The following CHST8 variants were observed in gnomAD, a reference collection of about 807,000 sequenced individuals.
CHST8 encodes the protein carbohydrate sulfotransferase 8.
CHST8 carries 10 observed loss-of-function variants against 15.0 expected under a neutral mutation model. That is an observed-to-expected ratio of 0.67 (90% CI 0.41 to 1.13). CHST8 has a LOEUF of 1.13. Ranked by LOEUF, CHST8 falls within the 50% of genes most tolerant of loss-of-function variation. CHST8 has a pLI of 0.00. For missense variants in CHST8, 634 were observed against 608.2 expected, an observed-to-expected ratio of 1.04 and a Z score of -0.45; for synonymous variants, 259 against 256.6, an observed-to-expected ratio of 1.01 and a Z score of -0.09.
chr19:33,686,501 C>T (rs1040618797), intron 2 of CHST8, among the ~76,000 whole-genome samples: 7 of 152,188 alleles, frequency 4.6e-5, no homozygotes, highest in Non-Finnish European at 7.4e-5. Context: ...CACTCTGCAG[C>T]GCCAGCTACT....
At chr19:33,710,579 ATCT>A (rs1973529681) in intron 3 of CHST8, among the ~76,000 whole-genome samples, 1 of 152,230 alleles carries the variant, frequency 6.6e-6, no homozygotes, top group East Asian at 1.9e-4. Flanking sequence ...TGATTTCCAG[ATCT>A]TCTTATTAAA....
chr19:33,707,433 C>G (rs1973468347), intron 3 of CHST8, among the ~76,000 whole-genome samples: 1 of 152,176 alleles, frequency 6.6e-6, no homozygotes, highest in Non-Finnish European at 1.5e-5. Context: ...CACCCTCAGC[C>G]CCAGGCAACT....
chr19:33,698,041 G>T (rs149854193), intron 3 of CHST8, among the ~76,000 whole-genome samples: 1 of 152,278 alleles, frequency 6.6e-6, no homozygotes, highest in Non-Finnish European at 1.5e-5. Flanking sequence ...ACTTTGGGAG[G>T]CTGAGGCGGT....
At chr19:33,692,088 C>G (rs1363026087) in intron 3 of CHST8, among the ~76,000 whole-genome samples, 1 of 152,184 alleles carries the variant, frequency 6.6e-6, no homozygotes, top group Admixed American at 6.5e-5. Flanking sequence ...TCACCTGGCT[C>G]AGGCAGTAGA....
At chr19:33,708,080 G>C (rs1973480058) in intron 3 of CHST8, among the ~76,000 whole-genome samples, 1 of 152,058 alleles carries the variant, frequency 6.6e-6, no homozygotes, top group African/African-American at 2.4e-5. Context: ...TTCAAGGCTT[G>C]GCCCATTTTA....
intron 2 of CHST8, among the ~76,000 whole-genome samples, chr19:33,675,427 C>T (rs548870812): frequency 5.3e-5 from 8 of 152,342 alleles, no homozygotes; most frequent in African/African-American, 1.9e-4. Context: ...AGCAGAGCCA[C>T]TAGCAGAGCC....
chr19:33,668,462 A>G, intron 2 of CHST8, among the ~76,000 whole-genome samples: 1 of 152,110 alleles, frequency 6.6e-6, no homozygotes, highest in Admixed American at 6.5e-5. Flanking sequence ...GGGGAAAGAT[A>G]GCCTCCGAGC....
At chr19:33,715,028 CT>C (rs1973640433) in intron 3 of CHST8, among the ~76,000 whole-genome samples, 1 of 152,220 alleles carries the variant, frequency 6.6e-6, no homozygotes, top group Non-Finnish European at 1.5e-5. Flanking sequence ...TGACTTGTCA[CT>C]TCTCCCTCCA....
intron 3 of CHST8, among the ~76,000 whole-genome samples, chr19:33,744,130 G>A (rs1021789012): frequency 9.9e-5 from 15 of 152,252 alleles, no homozygotes; most frequent in South Asian, 2.1e-4. Flanking sequence ...CTGCCCCAGC[G>A]TCAAGGTCTA....
chr19:33,624,594 C>T (rs898668581), intron 1 of CHST8, among the ~76,000 whole-genome samples: 19 of 151,936 alleles, frequency 1.3e-4, no homozygotes, highest in African/African-American at 2.4e-4. Context: ...ACTTTTTTGC[C>T]GTATGGTTGT....
At chr19:33,769,409 A>T (rs948552185) in intron 3 of CHST8, among the ~76,000 whole-genome samples, 1 of 152,178 alleles carries the variant, frequency 6.6e-6, no homozygotes, top group African/African-American at 2.4e-5. Flanking sequence ...GACTCTGAGG[A>T]GGAGAGGTGG....
intron 3 of CHST8, among the ~76,000 whole-genome samples, chr19:33,766,427 C>T (rs937396690): frequency 6.6e-5 from 10 of 152,194 alleles, no homozygotes; most frequent in African/African-American, 9.7e-5. Context: ...ACCCTGCACT[C>T]GGGGCAGGCC....
chr19:33,772,898 C>G lies in CHST8; in HGVS notation c.1110C>G (p.Phe370Leu), dbSNP rs746548182. 1.9e-6 allele frequency: 3 copies of G among 1,613,486 alleles called. No homozygotes were observed. The highest frequency in any genetic ancestry group is 4.5e-5 in the East Asian group (2 of 44,880). Residue 370 changes from phenylalanine (F) to leucine (L), a missense_variant, in exon 5 of 5, where the codon TTC becomes TTG. By Grantham distance (22) the Phe-to-Leu change is conservative. Coordinates refer to ENST00000650847, the MANE Select transcript of CHST8 (RefSeq NM_001127895.2). ...TCCGCGCGCCGCGGAACCTGACCTTCCCCCGGTTCAAGGACCGGCACTCGC... is the reference window on the plus strand; with the variant it reads ...TCCGCGCGCCGCGGAACCTGACCTTGCCCCGGTTCAAGGACCGGCACTCGC... ...SLIRAPRNLT[F>L]PRFKDRHSQE...
chr19:33,669,442 T>G (rs1972706531), intron 2 of CHST8, among the ~76,000 whole-genome samples: 1 of 152,158 alleles, frequency 6.6e-6, no homozygotes, highest in South Asian at 2.1e-4. Flanking sequence ...GCCAAACCAC[T>G]CTCGTGCCTT....
At chr19:33,690,825 C>A (rs1251442583) in intron 3 of CHST8, among the ~76,000 whole-genome samples, 5 of 152,222 alleles carry the variant, frequency 3.3e-5, no homozygotes, top group Non-Finnish European at 5.9e-5. Flanking sequence ...ACAGCGCCAC[C>A]AGGGCAGACA....
intron 3 of CHST8, among the ~76,000 whole-genome samples, chr19:33,721,907 GGATGGATGGACA>G (rs1423563049): frequency 3.1e-4 from 47 of 151,088 alleles, no homozygotes; most frequent in Middle Eastern, 3.4e-3. Flanking sequence ...ATGGATGGAT[GGATGGATGGACA>G]GATGGATGGA....
intron 1 of CHST8, among the ~76,000 whole-genome samples, chr19:33,655,123 G>A (rs1030479918): frequency 6.6e-6 from 1 of 152,096 alleles, no homozygotes; most frequent in Non-Finnish European, 1.5e-5. Flanking sequence ...TGCAGCCTCC[G>A]CCTCCCGGGT....
intron 2 of CHST8, among the ~76,000 whole-genome samples, chr19:33,681,014 A>G (rs1217914492): frequency 6.6e-6 from 1 of 152,244 alleles, no homozygotes; most frequent in East Asian, 1.9e-4. Context: ...GTAGAACAGT[A>G]TTAAAACCAG....
At chr19:33,653,726 A>G (rs1377878987) in intron 1 of CHST8, among the ~76,000 whole-genome samples, 2 of 152,216 alleles carry the variant, frequency 1.3e-5, no homozygotes. Context: ...TTACTCATCT[A>G]TATAATGGAG....
Sources: gnomAD v4.1 joint callset for allele counts (sites outside exome capture counted in the v4.1 genomes callset) on GRCh38, gnomAD v4.1.1 for gene constraint, MANE v1.5 for transcripts, NCBI Gene and HGNC (gene_info 2026-07-23, HGNC 2026-07-21) for gene names.